Variants in SLC71A1 observed in about 807,000 individuals in gnomAD.
The protein encoded by SLC71A1 is hippocampus abundant gene transcript 1.
At chr1:100,042,023 C>G in the SLC71A1 span, among the ~76,000 whole-genome samples, 10 of 151,758 alleles carry the variant, frequency 6.6e-5, no homozygotes, top group African/African-American at 2.4e-4. Flanking sequence ...CTGACATTTT[C>G]AAATACTAGA....
chr1:100,043,034 T>C, the SLC71A1 span: 2 of 959,320 alleles, frequency 2.1e-6, no homozygotes, highest in South Asian at 4.8e-5. Context: ...TTTAGATTGG[T>C]GTGTTTGGGG....
chr1:100,064,646 A>G, the SLC71A1 span, among the ~76,000 whole-genome samples: 1 of 152,044 alleles, frequency 6.6e-6, no homozygotes, highest in African/African-American at 2.4e-5. Flanking sequence ...TTTGTGTCTA[A>G]CTTCTTTCAC....
At chr1:100,038,652 G>GCGCCCCTCGTCGCCGCAGCCTCGCCT in the SLC71A1 span, among the ~76,000 whole-genome samples, 12 of 152,074 alleles carry the variant, frequency 7.9e-5, no homozygotes, top group African/African-American at 2.9e-4. Context: ...CCCGCCCGCC[G>GCGCCCCTCGTCGCCGCAGCCTCGCCT]CGCCCCTCGT....
At chr1:100,051,792 C>T in the SLC71A1 span, among the ~76,000 whole-genome samples, 1 of 152,124 alleles carries the variant, frequency 6.6e-6, no homozygotes, top group Non-Finnish European at 1.5e-5. Context: ...TAGTAAACAG[C>T]CCACGTGTAT....
chr1:100,048,644 A>G, the SLC71A1 span, among the ~76,000 whole-genome samples: 2 of 152,096 alleles, frequency 1.3e-5, no homozygotes, highest in Non-Finnish European at 2.9e-5. Flanking sequence ...TTTCTTTATC[A>G]AAGAAGAAAA....
At chr1:100,038,142 C>G in the SLC71A1 span, 2 of 1,175,408 alleles carry the variant, frequency 1.7e-6, no homozygotes, top group African/African-American at 3.1e-5. Flanking sequence ...CAGAGCGGCT[C>G]GGCCCGGCAG....
At chr1:100,049,106 G>C in the SLC71A1 span, among the ~76,000 whole-genome samples, 3 of 152,118 alleles carry the variant, frequency 2.0e-5, no homozygotes, top group Non-Finnish European at 4.4e-5. Flanking sequence ...TTTTAGATGC[G>C]CTTTGCTTCT....
At chr1:100,051,091 A>C in the SLC71A1 span, among the ~76,000 whole-genome samples, 2 of 147,556 alleles carry the variant, frequency 1.4e-5, no homozygotes, top group African/African-American at 4.9e-5. Context: ...GTCTCAAAAA[A>C]AAAAAACAAA....
At chr1:100,066,988 CAAAAAAAAAA>C in the SLC71A1 span, among the ~76,000 whole-genome samples, 2 of 69,306 alleles carry the variant, frequency 2.9e-5, no homozygotes, top group Non-Finnish European at 2.5e-5. Context: ...GACTCCGTCT[CAAAAAAAAAA>C]AAAAAAAAAA....
the SLC71A1 span, among the ~76,000 whole-genome samples, chr1:100,052,818 C>T: frequency 6.7e-6 from 1 of 149,334 alleles, no homozygotes; most frequent in South Asian, 2.1e-4. Flanking sequence ...GAGTCTCACT[C>T]TGTTGCCCAG....
chr1:100,065,910 G>A, the SLC71A1 span, among the ~76,000 whole-genome samples: 2 of 151,534 alleles, frequency 1.3e-5, no homozygotes, highest in Non-Finnish European at 1.5e-5. Context: ...TTGGGATCAA[G>A]TGATCTCCCA....
At chr1:100,065,874 G>C in the SLC71A1 span, among the ~76,000 whole-genome samples, 1 of 151,066 alleles carries the variant, frequency 6.6e-6, no homozygotes, top group Non-Finnish European at 1.5e-5. Flanking sequence ...TTTCCAGACA[G>C]GGTGTTGCCC....
the SLC71A1 span, among the ~76,000 whole-genome samples, chr1:100,052,768 CT>C: frequency 3.0e-4 from 44 of 144,900 alleles, no homozygotes; most frequent in Admixed American, 4.2e-4. Flanking sequence ...TTTTCTTTTT[CT>C]TTTTTTTTTT....
chr1:100,064,253 T>C, the SLC71A1 span, among the ~76,000 whole-genome samples: 1 of 152,156 alleles, frequency 6.6e-6, no homozygotes, highest in Non-Finnish European at 1.5e-5. Flanking sequence ...ACGATTCTGC[T>C]GCCTCAGCCT....
chr1:100,038,256 A>G, the SLC71A1 span: 22 of 1,559,764 alleles, frequency 1.4e-5, no homozygotes, highest in Non-Finnish European at 1.8e-5. Flanking sequence ...AGAAGAAGAA[A>G]CGGGCCGCGA....
the SLC71A1 span, among the ~76,000 whole-genome samples, chr1:100,047,566 G>A: frequency 6.6e-6 from 1 of 152,190 alleles, no homozygotes; most frequent in East Asian, 1.9e-4. Flanking sequence ...GGGATTACAG[G>A]CATGCGCCAC....
chr1:100,081,373 TTTG>T, the SLC71A1 span, among the ~76,000 whole-genome samples: 1 of 152,172 alleles, frequency 6.6e-6, no homozygotes, highest in Admixed American at 6.5e-5. Context: ...CTGATTTTAT[TTTG>T]TTTTTTGTTG....
chr1:100,061,301 A>G, the SLC71A1 span, among the ~76,000 whole-genome samples: 340 of 152,336 alleles, frequency 2.2e-3, 4 homozygotes, highest in African/African-American at 8.0e-3. Flanking sequence ...CAGTTTTATG[A>G]ACACTGAATC....
chr1:100,038,124 C>T, the SLC71A1 span: 25 of 949,448 alleles, frequency 2.6e-5, no homozygotes. Flanking sequence ...AAGATGGCGG[C>T]GGGCGCCCAG....
Sources: allele counts gnomAD v4.1 joint callset (sites outside exome capture counted in the v4.1 genomes callset), GRCh38; gene constraint gnomAD v4.1.1; transcripts MANE v1.5; gene names NCBI Gene and HGNC (gene_info 2026-07-23, HGNC 2026-07-21).